STK32B: variants seen among roughly 807,000 people sequenced by gnomAD.
STK32B encodes the protein serine/threonine kinase 32B, also known as serine/threonine-protein kinase 32B.
In STK32B, 43 loss-of-function variants were observed where a neutral mutation model predicts 52.6. The ratio of observed to expected loss-of-function variants is 0.82; its 90% CI spans 0.64 to 1.05. The LOEUF (loss-of-function observed/expected upper bound fraction) is 1.05. Among genes scored for constraint, STK32B ranks in the 50% least tolerant of loss-of-function variants. The pLI, the probability that STK32B is intolerant of heterozygous loss-of-function variation, is 0.00. For synonymous variants in STK32B, 238 were observed against 204.3 expected (o/e 1.17, Z -1.41); for missense variants, 621 against 534.6 (o/e 1.16, Z -1.59).
chr4:5,339,882 CTCTG>C (rs1465848940), intron 4 of STK32B, among the ~76,000 whole-genome samples: 5 of 152,232 alleles, frequency 3.3e-5, no homozygotes, highest in African/African-American at 4.8e-5. Context: ...TACTTATTTC[CTCTG>C]TCTGGGGGAA....
At chr4:5,056,553 C>T (rs1464141983) in intron 1 of STK32B, among the ~76,000 whole-genome samples, 1 of 152,244 alleles carries the variant, frequency 6.6e-6, no homozygotes, top group African/African-American at 2.4e-5. Context: ...GGATTCTGTG[C>T]TTTATTCTCA....
At position 5,470,316 on chromosome 4, in the gene STK32B, G is replaced by T. The variant is rs557522087; in HGVS notation, c.1106+2246G>T. The stretch of plus-strand genomic sequence containing the variant: ...GCAGTCAGCCTATGGACACCATTGA[G>T]ATTTGGCATCGGGGATTGGAAGTGA... On this transcript the variant is annotated intron_variant, in intron 11 of 11. Coordinates refer to ENST00000282908, the MANE Select transcript of STK32B (RefSeq NM_018401.3). The surrounding 1 kb of genome is among the most constrained non-coding windows in gnomAD (Gnocchi z 4.6). 1.3e-5 allele frequency among the ~76,000 whole-genome samples: 2 copies of T among 152,294 alleles called. No individual in the cohort carries two copies. Among genetic ancestry groups the T allele is most frequent in the East Asian group, 3.9e-4 (2 of 5,164 alleles).
intron 1 of STK32B, among the ~76,000 whole-genome samples, chr4:5,100,638 C>A (rs963205711): frequency 1.1e-5 from 1 of 95,000 alleles, no homozygotes; most frequent in African/African-American, 4.8e-5. Flanking sequence ...CTTTCTCTTT[C>A]TTTCTTTCTC....
chr4:5,190,911 G>A (rs1005460796), intron 3 of STK32B, among the ~76,000 whole-genome samples: 2 of 152,110 alleles, frequency 1.3e-5, no homozygotes, highest in African/African-American at 2.4e-5. Context: ...TGCAGGAAGC[G>A]GGCCTGCAAT....
chr4:5,424,156 C>T (rs576091288), intron 6 of STK32B, among the ~76,000 whole-genome samples: 1 of 152,154 alleles, frequency 6.6e-6, no homozygotes, highest in Admixed American at 6.5e-5. Flanking sequence ...CATGCCAGCC[C>T]CCTGCTACCT....
chr4:5,494,434 T>C (rs7687902), intron 11 of STK32B, among the ~76,000 whole-genome samples: 6,890 of 148,996 alleles, frequency 0.046, 553 homozygotes, highest in African/African-American at 0.17. Context: ...CTTGGTAGAT[T>C]TTCCTCCATC....
rs758680749 is a variant in STK32B at position 5,462,364 on chromosome 4, ATGTC to A, written c.909+2140_909+2143del. Among the ~76,000 whole-genome samples, 142 of 144,994 alleles carry A rather than the reference ATGTC, an allele frequency of 9.8e-4. No individual in the cohort carries two copies. The Middle Eastern group carries it at 0.015, about 15-fold the overall frequency. Reference sequence around the variant, plus strand: ...TCCGTGTGCCTGTGTGTGTGCCTATATGTCTGTGTGTGCCTGTGCATCTGTGTGT... The same window carrying A: ...TCCGTGTGCCTGTGTGTGTGCCTATATGTGTGTGCCTGTGCATCTGTGTGT... On this transcript the variant is annotated intron_variant, in intron 9 of 11. Coordinates refer to ENST00000282908, the MANE Select transcript of STK32B (RefSeq NM_018401.3).
At chr4:5,033,607 G>T in the STK32B span, among the ~76,000 whole-genome samples, 1 of 152,208 alleles carries the variant, frequency 6.6e-6, no homozygotes, top group East Asian at 1.9e-4. Flanking sequence ...CCTTCACGAG[G>T]AGGCCATGGT....
intron 9 of STK32B, among the ~76,000 whole-genome samples, chr4:5,461,254 C>T (rs1210347474): frequency 1.3e-5 from 2 of 152,164 alleles, no homozygotes; most frequent in African/African-American, 4.8e-5. Flanking sequence ...AAAGAGACAA[C>T]ATTTGCTCTT....
intron 3 of STK32B, among the ~76,000 whole-genome samples, chr4:5,301,642 A>C (rs1233430923): frequency 6.9e-6 from 1 of 145,362 alleles, no homozygotes; most frequent in Non-Finnish European, 1.5e-5. Context: ...TTCAAATTTA[A>C]TAATTTGAGT....
chr4:5,249,708 A>G (rs1725778308), intron 3 of STK32B, among the ~76,000 whole-genome samples: 1 of 152,050 alleles, frequency 6.6e-6, no homozygotes, highest in South Asian at 2.1e-4. Context: ...TAAAAGCCCT[A>G]TTTCCCACGG....
chr4:5,310,683 T>A (rs1398925390), intron 3 of STK32B, among the ~76,000 whole-genome samples: 1 of 152,132 alleles, frequency 6.6e-6, no homozygotes, highest in Non-Finnish European at 1.5e-5. Flanking sequence ...ACAATCCCAC[T>A]ACTAGGTATA....
intron 6 of STK32B, among the ~76,000 whole-genome samples, chr4:5,434,454 G>GTATATATA (rs5855854): frequency 1.4e-4 from 19 of 131,250 alleles, no homozygotes; most frequent in South Asian, 5.1e-4. Context: ...GTGTGTGTGT[G>GTATATATA]TATATATATA....
chr4:5,260,236 G>A (rs1469385603), intron 3 of STK32B, among the ~76,000 whole-genome samples: 2 of 152,158 alleles, frequency 1.3e-5, no homozygotes, highest in African/African-American at 4.8e-5. Context: ...TTGCAAATTA[G>A]CAACACCCTT....
At chr4:5,474,425 T>A (rs1305179555) in intron 11 of STK32B, among the ~76,000 whole-genome samples, 4 of 152,234 alleles carry the variant, frequency 2.6e-5, no homozygotes, top group Non-Finnish European at 5.9e-5. Context: ...ATTCTTTGAC[T>A]TTACCAAGGT....
rs1253040509 is a variant in STK32B at position 5,498,962 on chromosome 4, G to C, written c.1124G>C (p.Gly375Ala). 6.2e-7 allele frequency: 1 copy of C among 1,613,150 alleles called. No homozygotes were observed. The highest frequency in any genetic ancestry group is 1.7e-5 in the Admixed American group (1 of 59,958). The change falls in exon 12 of 12, where the codon GGA becomes GCA. Residue 375 changes from glycine (G) to alanine (A), a missense_variant. Transcript: ENST00000282908. ...GTTTGCAGGCTCAGGAGGCAGCAGG[G>C]ACAGGGCAGCCAGCTCTTGGACACC... is the stretch of plus-strand genomic sequence containing the variant. The part of the protein sequence containing the change: ...FNREKLRRQQ[G>A]QGSQLLDTDS...
chr4:5,021,627 C>T, the STK32B span, among the ~76,000 whole-genome samples: 1 of 152,234 alleles, frequency 6.6e-6, no homozygotes, highest in Non-Finnish European at 1.5e-5. Context: ...ATCAAGGAGA[C>T]ATTGCTGTGC....
intron 1 of STK32B, among the ~76,000 whole-genome samples, chr4:5,072,351 A>G (rs1197454175): frequency 6.6e-6 from 1 of 151,996 alleles, no homozygotes; most frequent in Non-Finnish European, 1.5e-5. Flanking sequence ...CCCTAAATGT[A>G]CCCCTCCTCA....
At chr4:5,484,801 C>A (rs1211194268) in intron 11 of STK32B, among the ~76,000 whole-genome samples, 2 of 152,174 alleles carry the variant, frequency 1.3e-5, no homozygotes, top group Non-Finnish European at 2.9e-5. Flanking sequence ...CAAAATCTCT[C>A]AGCATTTGCT....
Sources: allele counts gnomAD v4.1 joint callset (sites outside exome capture counted in the v4.1 genomes callset), GRCh38; gene constraint gnomAD v4.1.1; non-coding constraint Gnocchi (gnomAD v3.1); transcripts MANE v1.5; gene names NCBI Gene and HGNC (gene_info 2026-07-23, HGNC 2026-07-21).